ADAMTS2: variants seen among roughly 807,000 people sequenced by gnomAD.
ADAMTS2 encodes the protein A disintegrin and metalloproteinase with thrombospondin motifs 2.
In ADAMTS2, 50 loss-of-function variants were observed where a neutral mutation model predicts 123.0. The observed-to-expected ratio is 0.41, with a 90% CI of 0.32 to 0.51. The LOEUF (loss-of-function observed/expected upper bound fraction) is 0.51, where lower values mean the gene tolerates loss of function less well. Ranked by LOEUF, ADAMTS2 falls within the 20% of genes least tolerant of loss-of-function variation. The pLI is 0.35. For synonymous variants in ADAMTS2, 678 were observed against 695.4 expected, an observed-to-expected ratio of 0.98 and a Z score of 0.39; for missense variants, 1,494 against 1,705.2, an observed-to-expected ratio of 0.88 and a Z score of 2.18.
chr5:179,250,324 A>T (rs1000755295), intron 3 of ADAMTS2, among the ~76,000 whole-genome samples: 4 of 152,322 alleles, frequency 2.6e-5, no homozygotes, highest in Non-Finnish European at 5.9e-5. Flanking sequence ...CAGCAAGAAA[A>T]AAATAAATAA....
At chr5:179,153,733 A>G (rs1295613798) in intron 8 of ADAMTS2, 110 bp from the exon 9 acceptor site, 12 of 1,434,074 alleles carry the variant, frequency 8.4e-6, no homozygotes, top group Non-Finnish European at 1.1e-5. Flanking sequence ...CTACCTGCAC[A>G]TCCCGGCCCC....
At chr5:179,281,572 T>C (rs572011109) in intron 2 of ADAMTS2, among the ~76,000 whole-genome samples, 9 of 152,358 alleles carry the variant, frequency 5.9e-5, no homozygotes, top group Non-Finnish European at 1.2e-4. Context: ...TATACCACAT[T>C]TTATTTATCC....
chr5:179,323,822 G>T (rs79498338), intron 2 of ADAMTS2, among the ~76,000 whole-genome samples: 3 of 152,320 alleles, frequency 2.0e-5, no homozygotes, highest in African/African-American at 7.2e-5. Flanking sequence ...TCAATTAAAA[G>T]CACACAAAAA....
At chr5:179,171,713 G>T (rs1405539137) in intron 5 of ADAMTS2, among the ~76,000 whole-genome samples, 1 of 152,208 alleles carries the variant, frequency 6.6e-6, no homozygotes, top group Non-Finnish European at 1.5e-5. Flanking sequence ...GGCAGAAAAA[G>T]GTGGGCAGAG....
At chr5:179,164,329 C>T (rs1763656291) in intron 5 of ADAMTS2, among the ~76,000 whole-genome samples, 1 of 152,182 alleles carries the variant, frequency 6.6e-6, no homozygotes, top group Non-Finnish European at 1.5e-5. Context: ...GGTCTGTGTG[C>T]ATTCTTAAAA....
intron 3 of ADAMTS2, among the ~76,000 whole-genome samples, chr5:179,212,631 G>A (rs1469928914): frequency 6.3e-5 from 7 of 111,568 alleles, no homozygotes; most frequent in Admixed American, 9.2e-5. Context: ...CCCTGAGGGC[G>A]GGTGCAGTGG....
intron 4 of ADAMTS2, among the ~76,000 whole-genome samples, chr5:179,194,525 A>G (rs2113345033): frequency 6.6e-6 from 1 of 152,280 alleles, no homozygotes; most frequent in Non-Finnish European, 1.5e-5. Flanking sequence ...GGGTGTGGCC[A>G]GGGGACTCCA....
At chr5:179,249,145 G>T (rs1765865887) in intron 3 of ADAMTS2, among the ~76,000 whole-genome samples, 1 of 151,942 alleles carries the variant, frequency 6.6e-6, no homozygotes, top group Non-Finnish European at 1.5e-5. Flanking sequence ...GAACCATTAG[G>T]TCAGGTAATA....
intron 2 of ADAMTS2, among the ~76,000 whole-genome samples, chr5:179,311,702 T>C (rs2113576177): frequency 6.6e-6 from 1 of 152,248 alleles, no homozygotes; most frequent in Middle Eastern, 3.4e-3. Context: ...TAGGTGAGTT[T>C]AGCTAGAATC....
chr5:179,133,395 G>A (rs1762999426), intron 13 of ADAMTS2, among the ~76,000 whole-genome samples: 1 of 151,962 alleles, frequency 6.6e-6, no homozygotes, highest in Non-Finnish European at 1.5e-5. Flanking sequence ...AGCCTCCCGA[G>A]TAGCTGGGAT....
chr5:179,225,546 G>A lies in ADAMTS2; in HGVS notation c.689-17831C>T, dbSNP rs958768750. ...GAGACCCTAACAGGCAGACACAGGC[G>A]GCTGGACGTCGAGAGGAGCGCATGA... is the stretch of plus-strand genomic sequence containing the variant. On this transcript the variant is annotated intron_variant, in intron 3 of 21. Transcript: ENST00000251582. The surrounding 1 kb of genome is among the most constrained non-coding windows in gnomAD (Gnocchi z 4.5). 6.6e-5 allele frequency among the ~76,000 whole-genome samples: 10 copies of A among 152,088 alleles called. No individual in the cohort carries two copies. The highest frequency in any genetic ancestry group is 3.9e-4 in the Admixed American group (6 of 15,278).
intron 3 of ADAMTS2, among the ~76,000 whole-genome samples, chr5:179,235,930 A>T (rs1358109358): frequency 6.6e-6 from 1 of 152,138 alleles, no homozygotes; most frequent in Non-Finnish European, 1.5e-5. Context: ...GCCTCCTGTG[A>T]CCACTCATGT....
rs776115866 is a variant in ADAMTS2 at position 179,114,013 on chromosome 5, G to C, written c.3490C>G (p.Pro1164Ala). ...TCTTCCAGGCCATGGATTTTGTAGG[G>C]TTCATCTACGGCATTGGTTTCTGGG... ...DHPETNAVDE[P>A]YKIHGLEDEV... is the part of the protein sequence containing the mutation. Residue 1164 changes from proline (P) to alanine (A), a missense_variant, in exon 22 of 22, where the codon CCC becomes GCC. By Grantham distance (27) the Pro-to-Ala change is conservative (BLOSUM62 -1). This residue lies in a region of ADAMTS2 where 953 missense variants were observed against 1,124.7 expected (regional missense o/e 0.85). Transcript: ENST00000251582. 21 of 1,613,998 alleles carry C rather than the reference G, an allele frequency of 1.3e-5. No individual in the cohort carries two copies. Among genetic ancestry groups the C allele is most frequent in the Non-Finnish European group, 1.7e-5 (20 of 1,180,036 alleles).
At position 179,175,747 on chromosome 5, in the gene ADAMTS2, G is replaced by C. The variant is rs1273130140; in HGVS notation, c.975+5325C>G. Reference sequence around the variant, plus strand: ...CAGCAAACAATGAGAATTTGTCTCTGCTCTTTTCCAATACTAGTTTCATGT... The same window carrying C: ...CAGCAAACAATGAGAATTTGTCTCTCCTCTTTTCCAATACTAGTTTCATGT... On this transcript the variant is annotated intron_variant, in intron 5 of 21. Transcript: ENST00000251582. This position sits in a 1 kb window ranked among gnomAD's most constrained non-coding sequence, Gnocchi z 4.1. Among the ~76,000 whole-genome samples, 1 of 152,160 alleles carries C rather than the reference G, an allele frequency of 6.6e-6. No individual in the cohort carries two copies. The highest frequency in any genetic ancestry group is 1.5e-5 in the Non-Finnish European group (1 of 68,020).
chr5:179,127,732 T>C (rs1762883634), intron 17 of ADAMTS2, among the ~76,000 whole-genome samples: 1 of 151,782 alleles, frequency 6.6e-6, no homozygotes, highest in Admixed American at 6.6e-5. Flanking sequence ...AAATACAGGG[T>C]CCATGCCCCA....
intron 21 of ADAMTS2, 142 bp from the exon 22 acceptor site, chr5:179,114,466 T>A (rs1762626355): frequency 1.2e-6 from 1 of 841,080 alleles, no homozygotes; most frequent in African/African-American, 1.7e-5. Flanking sequence ...AGAAAGTCTG[T>A]GTGGGTTCAG....
At chr5:179,124,000 A>G (rs143150901) in intron 19 of ADAMTS2, among the ~76,000 whole-genome samples, 31 of 152,346 alleles carry the variant, frequency 2.0e-4, no homozygotes, top group African/African-American at 7.0e-4. Flanking sequence ...GCATTGCCAC[A>G]CATGGGTGCA....
intron 5 of ADAMTS2, among the ~76,000 whole-genome samples, chr5:179,167,309 C>T (rs1704315435): frequency 1.3e-5 from 2 of 152,066 alleles, no homozygotes; most frequent in Admixed American, 6.5e-5. Flanking sequence ...AGAACAGCGG[C>T]CCGGGCCGGG....
rs1235268516 is a variant in ADAMTS2, at chr5:179,272,395, A to G, written c.688+516T>C. On this transcript the variant is annotated intron_variant, in intron 3 of 21. Transcript: ENST00000251582. The surrounding 1 kb of genome is among the most constrained non-coding windows in gnomAD (Gnocchi z 5.8). ...GGGCACATGCCTCCAGGGATCCAGAAAGAGCATGCAGGGCCTTTCTCCCTG... is the reference window on the plus strand; with the variant it reads ...GGGCACATGCCTCCAGGGATCCAGAGAGAGCATGCAGGGCCTTTCTCCCTG... Among the ~76,000 whole-genome samples the G allele has an allele frequency of 6.6e-6, 1 of 152,176 alleles. No individual in the cohort carries two copies. Among genetic ancestry groups the G allele is most frequent in the African/African-American group, 2.4e-5 (1 of 41,456 alleles).
Sources: allele counts gnomAD v4.1 joint callset (sites outside exome capture counted in the v4.1 genomes callset), GRCh38; gene constraint gnomAD v4.1.1; regional missense constraint gnomAD v4.1.1; non-coding constraint Gnocchi (gnomAD v3.1); transcripts MANE v1.5; gene names NCBI Gene and HGNC (gene_info 2026-07-23, HGNC 2026-07-21).